Variants in EEA1 observed in about 807,000 individuals in gnomAD.
EEA1 encodes the protein early endosome antigen 1, also known as early endosome antigen 1, 162kD.
Under a neutral mutation model 209.2 loss-of-function variants are expected in EEA1, and 111 were observed. That is an observed-to-expected ratio of 0.53 (90% CI 0.45 to 0.62). The LOEUF is 0.62. Among genes scored for constraint, EEA1 ranks in the 20% least tolerant of loss-of-function variants. The pLI is 0.00. For synonymous variants in EEA1, 536 were observed against 540.6 expected (o/e 0.99, Z 0.12); for missense variants, 1,343 against 1,530.8 (o/e 0.88, Z 2.05).
chr12:92,857,212 T>G, intron 5 of EEA1, 63 bp downstream of exon 5: 3 of 1,333,500 alleles, frequency 2.2e-6, no homozygotes, highest in Non-Finnish European at 3.1e-6. Context: ...GGTATTAAGT[T>G]TAGTTTTCAA....
At chr12:92,905,583 G>A (rs1433710681) in intron 1 of EEA1, 1 of 151,904 alleles carries the variant, frequency 6.6e-6, no homozygotes, top group Non-Finnish European at 1.5e-5. Flanking sequence ...TCCAGCTTAG[G>A]TGACAGAGAG....
intron 1 of EEA1, among the ~76,000 whole-genome samples, chr12:92,908,709 AC>A (rs1489795862): frequency 1.3e-5 from 2 of 152,206 alleles, no homozygotes; most frequent in African/African-American, 2.4e-5. Context: ...TTAGCAAAAA[AC>A]ATTTGCTAAT....
chr12:92,910,015 C>G (rs1880519007), intron 1 of EEA1, among the ~76,000 whole-genome samples: 1 of 151,968 alleles, frequency 6.6e-6, no homozygotes, highest in Non-Finnish European at 1.5e-5. Context: ...TGGTAGCAGC[C>G]ACCTGTAATC....
chr12:92,856,933 A>T (rs1157230292), intron 5 of EEA1, among the ~76,000 whole-genome samples: 1 of 151,742 alleles, frequency 6.6e-6, no homozygotes, highest in African/African-American at 2.4e-5. Context: ...CACCACACTC[A>T]GCTAATTTTT....
intron 8 of EEA1, 35 bp downstream of exon 8, chr12:92,852,140 T>A (rs750961254): frequency 6.6e-7 from 1 of 1,511,860 alleles, no homozygotes. Context: ...TAGAAAGGTA[T>A]AAGAGTACAT....
chr12:92,898,533 G>A (rs893289720), intron 1 of EEA1, among the ~76,000 whole-genome samples: 3 of 151,722 alleles, frequency 2.0e-5, no homozygotes, highest in Admixed American at 1.3e-4. Flanking sequence ...GCATGGTGGT[G>A]CACACCTGTA....
chr12:92,879,928 C>A (rs921304209), intron 2 of EEA1, among the ~76,000 whole-genome samples: 1 of 152,174 alleles, frequency 6.6e-6, no homozygotes, highest in Non-Finnish European at 1.5e-5. Context: ...ATGTCCTGGT[C>A]CCCTGCCAGC....
chr12:92,890,262 A>G (rs1271496472), intron 2 of EEA1, among the ~76,000 whole-genome samples: 1 of 152,210 alleles, frequency 6.6e-6, no homozygotes, highest in Non-Finnish European at 1.5e-5. Context: ...AAAGTGAAGT[A>G]GCAGGAGGGA....
At chr12:92,858,574 C>A in intron 3 of EEA1, 1 of 752,612 alleles carries the variant, frequency 1.3e-6, no homozygotes, top group South Asian at 1.4e-5. Flanking sequence ...TAAAGCCAAA[C>A]TGGCAGAACT....
chr12:92,801,514 G>A (rs919841673), intron 20 of EEA1, 86 bp downstream of exon 20: 1 of 880,998 alleles, frequency 1.1e-6, no homozygotes. Context: ...ATGCCCCCAA[G>A]AACAAACATG....
intron 27 of EEA1, 30 bp from the exon 28 acceptor site, chr12:92,776,972 T>C (rs1873683654): frequency 1.9e-6 from 3 of 1,596,160 alleles, no homozygotes; most frequent in South Asian, 1.1e-5. Context: ...CGATATATTA[T>C]AGTATTCAAC....
At chr12:92,830,624 C>A (rs1220580540) in intron 11 of EEA1, among the ~76,000 whole-genome samples, 1 of 151,978 alleles carries the variant, frequency 6.6e-6, no homozygotes, top group Non-Finnish European at 1.5e-5. Flanking sequence ...ACAACAAAAG[C>A]AAGACACAGC....
chr12:92,897,922 C>T (rs375702258), intron 1 of EEA1, among the ~76,000 whole-genome samples: 1 of 152,220 alleles, frequency 6.6e-6, no homozygotes, highest in South Asian at 2.1e-4. Context: ...AATGCTATTG[C>T]ACACTTAATA....
Position 92,929,161 on chromosome 12 carries a change from G to C in EEA1, c.-95C>G. The C allele has an allele frequency of 1.5e-6, 2 of 1,320,494 alleles. No individual in the cohort carries two copies. Among genetic ancestry groups the C allele is most frequent in the Non-Finnish European group, 2.1e-6 (2 of 958,714 alleles). 81.8% of individuals were successfully genotyped at this position (1,320,494 alleles called of 1,614,324 possible). A position where few individuals can be genotyped will look rare whatever the true frequency, so the allele number is the denominator to read the frequency against. On this transcript the variant is annotated 5_prime_UTR_variant, in exon 1 of 29. Transcript: ENST00000322349. Reference sequence around the variant, plus strand: ...GTGCGCGGGCGGGAGGGACTGGGCCGGGAGGGGACCGGGAAGGAGGTCGGG... The same window carrying C: ...GTGCGCGGGCGGGAGGGACTGGGCCCGGAGGGGACCGGGAAGGAGGTCGGG...
intron 1 of EEA1, among the ~76,000 whole-genome samples, chr12:92,903,095 C>G (rs558809693): frequency 6.6e-6 from 1 of 151,522 alleles, no homozygotes; most frequent in Admixed American, 6.6e-5. Flanking sequence ...CCACCACACC[C>G]GGCTAATTTT....
At chr12:92,786,290 C>CA (rs766812345) in intron 22 of EEA1, among the ~76,000 whole-genome samples, 8 of 152,134 alleles carry the variant, frequency 5.3e-5, no homozygotes, top group Non-Finnish European at 1.0e-4. Flanking sequence ...AGTGGTTCCT[C>CA]ACTGTTCTTA....
chr12:92,771,595 G>C lies in EEA1; in HGVS notation c.*4416C>G, dbSNP rs1298154439. The C allele has an allele frequency of 1.3e-5, 2 of 152,064 alleles. No individual in the cohort carries two copies. The highest frequency in any genetic ancestry group is 2.9e-5 in the Non-Finnish European group (2 of 67,940). The allele number at this position is 152,064 out of a possible 1,614,324, so 9.4% of individuals were successfully genotyped here. On this transcript the variant is annotated 3_prime_UTR_variant, in exon 29 of 29. Coordinates refer to ENST00000322349, the MANE Select transcript of EEA1 (RefSeq NM_003566.4). ...ACTTCAAGCTTCAAGTGAATTCCTA[G>C]AGATGGCATCTGGATGGGACTGAAA... is the stretch of plus-strand genomic sequence containing the variant.
chr12:92,854,585 T>C (rs974526733), intron 5 of EEA1, among the ~76,000 whole-genome samples: 1 of 152,242 alleles, frequency 6.6e-6, no homozygotes, highest in Non-Finnish European at 1.5e-5. Flanking sequence ...TGAAAGATAC[T>C]TTGAAAGCTT....
chr12:92,884,692 C>G (rs1366999575), intron 2 of EEA1: 52 of 1,418,286 alleles, frequency 3.7e-5, no homozygotes, highest in Non-Finnish European at 4.7e-5. Context: ...ATGGCAATGG[C>G]AGAAGATTTT....
Sources: allele counts gnomAD v4.1 joint callset (sites outside exome capture counted in the v4.1 genomes callset), GRCh38; gene constraint gnomAD v4.1.1; transcripts MANE v1.5; gene names NCBI Gene and HGNC (gene_info 2026-07-23, HGNC 2026-07-21).